PDE10A: variants seen among roughly 807,000 people sequenced by gnomAD.
PDE10A encodes cAMP and cAMP-inhibited cGMP 3',5'-cyclic phosphodiesterase 10A.
Under a neutral mutation model 97.7 loss-of-function variants are expected in PDE10A, and 39 were observed. The ratio of observed to expected loss-of-function variants is 0.40; its 90% CI spans 0.31 to 0.52. The LOEUF is 0.52. Among genes scored for constraint, PDE10A ranks in the 20% least tolerant of loss-of-function variants. PDE10A has a pLI of 0.56. For synonymous variants in PDE10A, 371 were observed against 376.8 expected, an observed-to-expected ratio of 0.98 and a Z score of 0.18; for missense variants, 731 against 1,047.8, an observed-to-expected ratio of 0.70 and a Z score of 4.17.
intron 1 of PDE10A, among the ~76,000 whole-genome samples, chr6:165,820,482 A>T (rs1477795301): frequency 6.6e-6 from 1 of 152,188 alleles, no homozygotes; most frequent in Non-Finnish European, 1.5e-5. Flanking sequence ...CTGTAATTAA[A>T]TGTGAACCTT....
At chr6:165,620,764 G>GTGCAGGGGCTCACGCCT (rs1788086996) in intron 1 of PDE10A, among the ~76,000 whole-genome samples, 1 of 151,872 alleles carries the variant, frequency 6.6e-6, no homozygotes, top group Non-Finnish European at 1.5e-5. Flanking sequence ...GAGAAGGCTG[G>GTGCAGGGGCTCACGCCT]GTAATCCCAA....
At chr6:165,342,294 C>A (rs1420922112) in intron 19 of PDE10A, among the ~76,000 whole-genome samples, 1 of 152,192 alleles carries the variant, frequency 6.6e-6, no homozygotes, top group Non-Finnish European at 1.5e-5. Context: ...CCACACAGTT[C>A]AAACCCGTGT....
chr6:165,837,673 T>G (rs1038238806), intron 1 of PDE10A, among the ~76,000 whole-genome samples: 3 of 146,880 alleles, frequency 2.0e-5, no homozygotes, highest in Admixed American at 6.8e-5. Flanking sequence ...TTTTTTTTTT[T>G]TTTTTTTTTT....
chr6:165,562,126 A>G (rs766881450), intron 1 of PDE10A, among the ~76,000 whole-genome samples: 11 of 152,182 alleles, frequency 7.2e-5, no homozygotes, highest in Non-Finnish European at 1.2e-4. Flanking sequence ...GAGCAGAACT[A>G]AATGACTAGA....
rs1288009762 is a variant in PDE10A, at chr6:165,413,591, G to A, written c.1986C>T (p.Asn662=). 6.2e-7 allele frequency: 1 copy of A among 1,614,090 alleles called. No homozygotes were observed. Among genetic ancestry groups the A allele is most frequent in the South Asian group, 1.1e-5 (1 of 91,082 alleles). The part of the protein sequence containing the change: ...GSVIGVVQMV[N]KISGSAFSKT... ...TAGAGAAGGCACTGCCACTGATTTT[G>A]TTGACCATCTGCACCACACCTATCA... The change falls in exon 13 of 22, where the codon AAC becomes AAT. Residue 662 remains asparagine (N), a synonymous_variant. Coordinates refer to ENST00000539869, the MANE Select transcript of PDE10A (RefSeq NM_001385079.1).
chr6:165,725,988 C>T (rs910564238), intron 1 of PDE10A, among the ~76,000 whole-genome samples: 54 of 152,192 alleles, frequency 3.5e-4, no homozygotes, highest in African/African-American at 1.3e-3. Context: ...TTGGCACTAC[C>T]CATGTTCTCC....
At chr6:165,440,308 G>A (rs369404318) in intron 5 of PDE10A, among the ~76,000 whole-genome samples, 16 of 145,812 alleles carry the variant, frequency 1.1e-4, no homozygotes, top group African/African-American at 3.9e-4. Flanking sequence ...GAAGAATGCA[G>A]TATTTCTGGT....
chr6:165,972,218 T>TA (rs751809532), intron 1 of PDE10A, among the ~76,000 whole-genome samples: 2 of 152,108 alleles, frequency 1.3e-5, no homozygotes, highest in Non-Finnish European at 2.9e-5. Context: ...CACTCTGTGG[T>TA]AGAAGGTGGG....
Position 165,333,002 on chromosome 6 carries a change from C to A in PDE10A, c.*23G>T, listed in dbSNP as rs527279673. The A allele has an allele frequency of 2.3e-5, 31 of 1,351,656 alleles. No individual in the cohort carries two copies. The South Asian group carries it at 3.3e-4, about 14-fold the overall frequency. 83.7% of individuals were successfully genotyped at this position (1,351,656 alleles called of 1,614,324 possible). On this transcript the variant is annotated 3_prime_UTR_variant, in exon 22 of 22. Transcript: ENST00000539869. ...GCAAGATGAGGATCTGTAGGTGGGA[C>A]AGCGTGTCAGGGTGACCAGTGCTCA...
intron 1 of PDE10A, among the ~76,000 whole-genome samples, chr6:165,866,254 T>G (rs2128477563): frequency 6.6e-6 from 1 of 152,108 alleles, no homozygotes; most frequent in Admixed American, 6.5e-5. Context: ...TTTAGTTACT[T>G]AAAATCAGGA....
intron 1 of PDE10A, among the ~76,000 whole-genome samples, chr6:165,564,136 A>C (rs535247858): frequency 6.6e-6 from 1 of 152,356 alleles, no homozygotes; most frequent in East Asian, 1.9e-4. Context: ...TCAAATACAT[A>C]TCCTTTAAAA....
chr6:165,438,345 C>T (rs367145), intron 5 of PDE10A, among the ~76,000 whole-genome samples: 29,498 of 151,980 alleles, frequency 0.19, 3,183 homozygotes, highest in Admixed American at 0.28. Context: ...TGTGCCACCA[C>T]GCCCAGCTAA....
At chr6:165,529,255 C>T (rs779422305) in intron 2 of PDE10A, among the ~76,000 whole-genome samples, 5 of 152,086 alleles carry the variant, frequency 3.3e-5, no homozygotes, top group Non-Finnish European at 7.3e-5. Context: ...TACTCCACAA[C>T]GAAGGTAAGG....
chr6:165,344,072 G>A (rs753280006), intron 18 of PDE10A, among the ~76,000 whole-genome samples: 6 of 151,980 alleles, frequency 3.9e-5, no homozygotes, highest in Non-Finnish European at 8.8e-5. Context: ...CTTCTCATTA[G>A]CAGATATTTC....
At chr6:165,734,940 C>G (rs1583012328) in intron 1 of PDE10A, among the ~76,000 whole-genome samples, 1 of 150,580 alleles carries the variant, frequency 6.6e-6, no homozygotes, top group Non-Finnish European at 1.5e-5. Context: ...GAAACAGAAC[C>G]AATAAGAAAG....
chr6:165,778,155 A>G (rs1778244934), intron 1 of PDE10A, among the ~76,000 whole-genome samples: 1 of 151,892 alleles, frequency 6.6e-6, no homozygotes, highest in East Asian at 1.9e-4. Flanking sequence ...GTTCATTACA[A>G]TCTCTGCCTC....
chr6:165,751,220 C>T (rs1475850122), intron 1 of PDE10A, among the ~76,000 whole-genome samples: 2 of 152,190 alleles, frequency 1.3e-5, no homozygotes, highest in East Asian at 1.9e-4. Flanking sequence ...TCTGCAGGCC[C>T]AGTTATACTT....
At chr6:165,852,160 G>A (rs73033988) in intron 1 of PDE10A, among the ~76,000 whole-genome samples, 33,430 of 152,088 alleles carry the variant, frequency 0.22, 4,079 homozygotes, top group Non-Finnish European at 0.28. Flanking sequence ...GTAGGGGCCA[G>A]CTGGTGCTGG....
intron 19 of PDE10A, among the ~76,000 whole-genome samples, chr6:165,342,016 T>A (rs972824327): frequency 3.9e-5 from 6 of 152,170 alleles, no homozygotes; most frequent in Non-Finnish European, 5.9e-5. Context: ...TTTACGCAGT[T>A]ACAATTTAAC....
Sources: gnomAD v4.1 joint callset for allele counts (sites outside exome capture counted in the v4.1 genomes callset) on GRCh38, gnomAD v4.1.1 for gene constraint, MANE v1.5 for transcripts, NCBI Gene and HGNC (gene_info 2026-07-23, HGNC 2026-07-21) for gene names.